Variants in CSAD observed in about 807,000 individuals in gnomAD.
CSAD encodes cysteine sulfinic acid decarboxylase.
CSAD carries 47 observed loss-of-function variants against 61.5 expected under a neutral mutation model. The ratio of observed to expected loss-of-function variants is 0.76; its 90% CI spans 0.60 to 0.97. CSAD has a LOEUF of 0.97. Ranked by LOEUF, CSAD falls within the 50% of genes least tolerant of loss-of-function variation. CSAD has a pLI of 0.00. For synonymous variants in CSAD, 245 were observed against 252.7 expected, an observed-to-expected ratio of 0.97 and a Z score of 0.29; for missense variants, 611 against 643.6, an observed-to-expected ratio of 0.95 and a Z score of 0.55.
intron 10 of CSAD, among the ~76,000 whole-genome samples, chr12:53,165,652 G>A (rs1417576194): frequency 8.1e-6 from 1 of 123,958 alleles, no homozygotes; most frequent in Non-Finnish European, 1.6e-5. Context: ...GACAGAGCAA[G>A]ACTCCATCTC....
rs1404282131 is a variant in CSAD at position 53,180,739 on chromosome 12, C to T, written c.-98G>A. On this transcript the variant is annotated 5_prime_UTR_variant, in exon 1 of 17. Coordinates refer to ENST00000444623, the MANE Select transcript of CSAD (RefSeq NM_001244705.2). Reference sequence around the variant, plus strand: ...TGGTGTTTGTAAACTTGCCTCGGTCCCGGTGGGGGCAGCCGCGGCGGTGGG... The same window carrying T: ...TGGTGTTTGTAAACTTGCCTCGGTCTCGGTGGGGGCAGCCGCGGCGGTGGG... 3.2e-6 allele frequency: 4 copies of T among 1,263,830 alleles called. No homozygotes were observed. In the East Asian group the frequency reaches 1.9e-4, roughly 60 times the overall value. 78.3% of individuals were successfully genotyped at this position (1,263,830 alleles called of 1,614,324 possible).
chr12:53,181,098 C>T (rs905776463), upstream of CSAD: 8 of 929,664 alleles, frequency 8.6e-6, no homozygotes, highest in South Asian at 3.0e-4. Flanking sequence ...GCGCGCTTCT[C>T]GGCACTCTCC....
intron 7 of CSAD, 147 bp from the exon 8 acceptor site, chr12:53,171,588 A>T (rs1940585340): frequency 1.3e-6 from 1 of 754,508 alleles, no homozygotes; most frequent in African/African-American, 1.8e-5. Flanking sequence ...ATACCATCCC[A>T]GAATGGATCC....
chr12:53,171,439 C>T lies in CSAD; in HGVS notation c.454G>A (p.Gly152Ser). ...SSGDGIFCPGGSISNMYAVNL... is the reference protein window; with the variant it reads ...SSGDGIFCPGSSISNMYAVNL... ...ACAGCATACATGTTGGAGATGGAGC[C>T]ACCTGTCACAGGGAGGGGGCGGTGG... is the stretch of plus-strand genomic sequence containing the variant. The change falls in exon 8 of 17, where the codon GGC becomes AGC. Residue 152 changes from glycine (G) to serine (S), a missense_variant and splice_region_variant. Coordinates refer to ENST00000444623, the MANE Select transcript of CSAD (RefSeq NM_001244705.2). The T allele has an allele frequency of 6.2e-7, 1 of 1,613,484 alleles. No homozygotes were observed. Among genetic ancestry groups the T allele is most frequent in the Non-Finnish European group, 8.5e-7 (1 of 1,179,946 alleles).
At position 53,171,333 on chromosome 12, in the gene CSAD, G is replaced by T. The variant is rs544766547; in HGVS notation, c.560C>A (p.Ser187Ter). 23 of 1,613,930 alleles carry T rather than the reference G, an allele frequency of 1.4e-5. No individual in the cohort carries two copies. In the South Asian group the frequency reaches 1.5e-4, roughly 11 times the overall value. Residue 187 changes from serine to a stop codon, truncating the protein, a stop_gained, in exon 8 of 17, where the codon TCG becomes TAG. Coordinates refer to ENST00000444623, the MANE Select transcript of CSAD (RefSeq NM_001244705.2). LOFTEE classifies it high-confidence loss of function. ...CCTGTGCCTCTTCCCCACCTCCTTC[G>T]ATGTGAATAGGGCCAGGGGCGGCAG... The part of the protein sequence containing the change: ...RTLPPLALFT[S>*]KECHYSIQKG...
Position 53,170,481 on chromosome 12 carries a change from C to T in CSAD, c.589G>A (p.Gly197Arg). ...GTGCCAAGTCCCAGAAACGCAGCTC[C>T]CTTCTGGATGGAGTAGTGACACTGT... is the stretch of plus-strand genomic sequence containing the variant. ...SKECHYSIQKGAAFLGLGTDS... is the reference protein window; with the variant it reads ...SKECHYSIQKRAAFLGLGTDS... The change falls in exon 9 of 17, where the codon GGA (glycine) becomes AGA (arginine). Residue 197 changes from glycine (G) to arginine (R), a missense_variant. By Grantham distance (125) the Gly-to-Arg change is moderately radical. Coordinates refer to ENST00000444623, the MANE Select transcript of CSAD (RefSeq NM_001244705.2). 1 of 1,614,092 alleles carries T rather than the reference C, an allele frequency of 6.2e-7. No homozygotes were observed. The highest frequency in any genetic ancestry group is 1.7e-5 in the Admixed American group (1 of 60,020).
chr12:53,180,457 G>C (rs1045202701), intron 1 of CSAD: 16 of 1,191,214 alleles, frequency 1.3e-5, no homozygotes, highest in Non-Finnish European at 1.6e-5. Context: ...AAGGGCCGAG[G>C]GTCCTGCCCT....
intron 10 of CSAD, among the ~76,000 whole-genome samples, chr12:53,166,510 G>C (rs1010952798): frequency 1.1e-4 from 16 of 152,104 alleles, no homozygotes; most frequent in African/African-American, 3.9e-4. Flanking sequence ...AAAATGAAAA[G>C]AGTTCTGCTG....
intron 2 of CSAD, among the ~76,000 whole-genome samples, chr12:53,177,230 T>C (rs903377787): frequency 2.6e-5 from 4 of 152,214 alleles, no homozygotes. Context: ...GGCTTTAGGG[T>C]GGCCAGGAGC....
At chr12:53,171,195 G>A in intron 8 of CSAD, 131 bp downstream of exon 8, 1 of 1,383,072 alleles carries the variant, frequency 7.2e-7, no homozygotes, top group African/African-American at 1.4e-5. Flanking sequence ...TTGGAAGGAA[G>A]CACATCCGCC....
At chr12:53,162,212 G>A (rs1270118059) in intron 10 of CSAD, among the ~76,000 whole-genome samples, 2 of 151,378 alleles carry the variant, frequency 1.3e-5, no homozygotes, top group Non-Finnish European at 2.9e-5. Context: ...GGCAGAGGTT[G>A]CACTGAGCCA....
At chr12:53,159,272 T>G (rs1458983790) in intron 16 of CSAD, among the ~76,000 whole-genome samples, 1 of 152,200 alleles carries the variant, frequency 6.6e-6, no homozygotes, top group African/African-American at 2.4e-5. Context: ...ACTTCTAGAC[T>G]GGCTTTCTCG....
At chr12:53,161,097 G>A (rs372983850) in intron 12 of CSAD, 30 bp downstream of exon 12, 284 of 1,605,910 alleles carry the variant, frequency 1.8e-4, no homozygotes, top group Non-Finnish European at 2.0e-4. Context: ...TTTGAAGGGC[G>A]GGATTTGGGA....
chr12:53,170,700 G>A, intron 8 of CSAD, 198 bp from the exon 9 acceptor site: 2 of 587,998 alleles, frequency 3.4e-6, no homozygotes. Flanking sequence ...CTAGGGTGGG[G>A]CCCAAGATTC....
chr12:53,173,342 C>T lies in CSAD; in HGVS notation c.126+3G>A. 6.2e-7 allele frequency: 1 copy of T among 1,613,630 alleles called. No homozygotes were observed. ...TGGGAAGGAGGAGGAAGAAAGGACT[C>T]ACCTTCTGGGAGACACTGGTTCCTT... On this transcript the variant is annotated splice_donor_region_variant and intron_variant, in intron 4 of 16. Transcript: ENST00000444623.
At chr12:53,169,032 T>G (rs1940240189) in intron 10 of CSAD, among the ~76,000 whole-genome samples, 2 of 149,886 alleles carry the variant, frequency 1.3e-5, no homozygotes, top group South Asian at 4.3e-4. Flanking sequence ...ATACAAAAAT[T>G]AGCCAGGCGT....
intron 8 of CSAD, chr12:53,170,996 C>T (rs1940510154): frequency 1.1e-5 from 5 of 475,428 alleles, no homozygotes; most frequent in Non-Finnish European, 7.9e-6. Context: ...GCTGGGATTA[C>T]AGGCGTGAGT....
At chr12:53,159,024 T>A (rs1938917210) in intron 16 of CSAD, among the ~76,000 whole-genome samples, 1 of 152,218 alleles carries the variant, frequency 6.6e-6, no homozygotes. Context: ...AGTCAACACC[T>A]TCTTCTCCCC....
At chr12:53,159,855 G>C (rs761497427) in intron 15 of CSAD, 32 bp downstream of exon 15, 1 of 1,573,636 alleles carries the variant, frequency 6.4e-7, no homozygotes, top group Non-Finnish European at 8.6e-7. Flanking sequence ...GCTAGGCTGG[G>C]GCAGGGGCCA....
Sources: allele counts gnomAD v4.1 joint callset (sites outside exome capture counted in the v4.1 genomes callset), GRCh38; gene constraint gnomAD v4.1.1; transcripts MANE v1.5; gene names NCBI Gene and HGNC (gene_info 2026-07-23, HGNC 2026-07-21).